SLC39A11: variants seen among roughly 807,000 people sequenced by gnomAD.
SLC39A11 encodes zinc transporter ZIP11.
SLC39A11 carries 33 observed loss-of-function variants against 36.1 expected under a neutral mutation model. That is an observed-to-expected ratio of 0.91 (90% CI 0.69 to 1.22). The LOEUF (loss-of-function observed/expected upper bound fraction) is 1.22, where lower values mean the gene tolerates loss of function less well. SLC39A11 is among the 50% of genes most tolerant of loss of function. SLC39A11 has a pLI of 0.00. For missense variants in SLC39A11, 432 were observed against 430.3 expected (o/e 1.00, Z -0.03); for synonymous variants, 166 against 170.3 (o/e 0.97, Z 0.20).
intron 6 of SLC39A11, among the ~76,000 whole-genome samples, chr17:72,830,329 A>AT (rs35014357): frequency 0.48 from 70,996 of 149,418 alleles, 17,447 homozygotes; most frequent in Non-Finnish European, 0.55. Context: ...ATGACTGTGT[A>AT]TTTTTTTTTT....
intron 5 of SLC39A11, among the ~76,000 whole-genome samples, chr17:72,896,076 C>T (rs946848451): frequency 1.3e-5 from 2 of 150,568 alleles, no homozygotes; most frequent in Non-Finnish European, 1.5e-5. Flanking sequence ...ACTATGAAAA[C>T]GGCATTCTGG....
intron 5 of SLC39A11, among the ~76,000 whole-genome samples, chr17:72,868,609 C>T (rs1331360636): frequency 4.9e-5 from 6 of 122,116 alleles, no homozygotes; most frequent in African/African-American, 1.6e-4. Context: ...TAGTGAGCCC[C>T]TGTCTCTACA....
At chr17:72,677,791 G>T (rs1336111972) in intron 7 of SLC39A11, among the ~76,000 whole-genome samples, 3 of 152,134 alleles carry the variant, frequency 2.0e-5, no homozygotes, top group Admixed American at 2.0e-4. Context: ...GAACACAGCA[G>T]AGTAGAGGGC....
intron 3 of SLC39A11, among the ~76,000 whole-genome samples, chr17:73,075,337 G>A (rs948507918): frequency 1.3e-5 from 2 of 152,202 alleles, no homozygotes; most frequent in African/African-American, 4.8e-5. Flanking sequence ...GAAGACCAAT[G>A]AGCTTGCCCG....
At chr17:72,723,644 G>A (rs533711835) in intron 7 of SLC39A11, among the ~76,000 whole-genome samples, 4 of 152,164 alleles carry the variant, frequency 2.6e-5, no homozygotes, top group Middle Eastern at 3.2e-3. Context: ...AATGACTTCC[G>A]TTGAATAATG....
intron 6 of SLC39A11, among the ~76,000 whole-genome samples, chr17:72,786,376 C>G (rs1339851393): frequency 6.6e-6 from 1 of 152,200 alleles, no homozygotes; most frequent in African/African-American, 2.4e-5. Flanking sequence ...CACTTATCTT[C>G]CTGTCTTACT....
At chr17:72,855,012 G>A (rs1207373039) in intron 5 of SLC39A11, among the ~76,000 whole-genome samples, 1 of 152,206 alleles carries the variant, frequency 6.6e-6, no homozygotes, top group African/African-American at 2.4e-5. Context: ...TGCTGCCCAG[G>A]TAAGCCCCTG....
intron 5 of SLC39A11, among the ~76,000 whole-genome samples, chr17:72,859,942 C>T (rs1335443594): frequency 8.5e-5 from 3 of 35,342 alleles, no homozygotes; most frequent in African/African-American, 2.0e-4. Context: ...GAGCAGAGAT[C>T]GCACCACTGC....
intron 3 of SLC39A11, among the ~76,000 whole-genome samples, chr17:73,056,096 C>G (rs1318073207): frequency 6.6e-6 from 1 of 152,154 alleles, no homozygotes; most frequent in Non-Finnish European, 1.5e-5. Context: ...GCACCGCTGG[C>G]CCCGTGAGGT....
chr17:72,679,468 A>C (rs906679728), intron 7 of SLC39A11, among the ~76,000 whole-genome samples: 4 of 152,230 alleles, frequency 2.6e-5, no homozygotes, highest in African/African-American at 9.6e-5. Flanking sequence ...AGATGCGCAG[A>C]CACAGAGAAA....
At chr17:72,891,982 C>T (rs1377375732) in intron 5 of SLC39A11, among the ~76,000 whole-genome samples, 1 of 151,914 alleles carries the variant, frequency 6.6e-6, no homozygotes, top group Non-Finnish European at 1.5e-5. Context: ...AGTAGGTGCT[C>T]AATAAAGATG....
intron 6 of SLC39A11, chr17:72,839,687 C>A (rs1396934556): frequency 6.6e-6 from 1 of 152,168 alleles, no homozygotes; most frequent in Admixed American, 6.5e-5. Context: ...TTGGTTACAC[C>A]AGCCAAAGAA....
intron 7 of SLC39A11, among the ~76,000 whole-genome samples, chr17:72,733,165 G>C (rs1251805134): frequency 6.6e-6 from 1 of 152,210 alleles, no homozygotes. Context: ...GCTCTGTGAG[G>C]ATCTGAAACC....
At chr17:72,683,846 T>G (rs1213084209) in intron 7 of SLC39A11, among the ~76,000 whole-genome samples, 2 of 151,768 alleles carry the variant, frequency 1.3e-5, no homozygotes, top group Non-Finnish European at 2.9e-5. Flanking sequence ...TACATTTTCC[T>G]AGAGAAGTCT....
At chr17:73,086,203 T>A (rs368842832) in intron 2 of SLC39A11, among the ~76,000 whole-genome samples, 2 of 152,294 alleles carry the variant, frequency 1.3e-5, no homozygotes, top group East Asian at 3.9e-4. Context: ...TGTTTCTTGA[T>A]CTGGGCTCTA....
intron 4 of SLC39A11, among the ~76,000 whole-genome samples, chr17:73,003,469 A>G (rs2089940421): frequency 6.6e-6 from 1 of 152,170 alleles, no homozygotes; most frequent in South Asian, 2.1e-4. Context: ...AAAAGGGATG[A>G]GACTAGCACC....
intron 4 of SLC39A11, among the ~76,000 whole-genome samples, chr17:72,999,990 C>T (rs1400750006): frequency 6.6e-6 from 1 of 152,198 alleles, no homozygotes; most frequent in Non-Finnish European, 1.5e-5. Flanking sequence ...CATCCACCCA[C>T]CTCAGCCTCC....
At chr17:73,007,161 A>AC (rs1465778108) in intron 4 of SLC39A11, among the ~76,000 whole-genome samples, 2 of 152,046 alleles carry the variant, frequency 1.3e-5, no homozygotes, top group African/African-American at 4.8e-5. Flanking sequence ...AGTGGCTCAC[A>AC]CCTGTAATCC....
At position 72,907,496 on chromosome 17, in the gene SLC39A11, TCAAA is replaced by T. The variant is rs141739548; in HGVS notation, c.430+40252_430+40255del. On this transcript the variant is annotated intron_variant, in intron 5 of 9. Transcript: ENST00000255559. ...CAGAGTGACGGAGCGAGACTCCAAC[TCAAA>T]CAAACAAACAAAAATAAATGAGTGA... Among the ~76,000 whole-genome samples, 440 of 152,170 alleles carry T rather than the reference TCAAA, an allele frequency of 2.9e-3. 22 individuals are homozygous for T. The East Asian group carries it at 0.07, about 24-fold the overall frequency.
Sources: gnomAD v4.1 joint callset for allele counts (sites outside exome capture counted in the v4.1 genomes callset) on GRCh38, gnomAD v4.1.1 for gene constraint, MANE v1.5 for transcripts, NCBI Gene and HGNC (gene_info 2026-07-23, HGNC 2026-07-21) for gene names.